Variants in LINGO2 observed in about 807,000 individuals in gnomAD.
The protein encoded by LINGO2 is leucine-rich repeat and immunoglobulin-like domain-containing nogo receptor-interacting protein 2.
Under a neutral mutation model 30.6 loss-of-function variants are expected in LINGO2, and 14 were observed. The observed-to-expected ratio is 0.46, with a 90% confidence interval of 0.30 to 0.72. LINGO2 has a LOEUF of 0.72. Ranked by LOEUF, LINGO2 falls within the 30% of genes least tolerant of loss-of-function variation. LINGO2 has a pLI of 0.07. For missense variants in LINGO2, 729 were observed against 751.7 expected (o/e 0.97, Z 0.35); for synonymous variants, 317 against 288.5 (o/e 1.10, Z -1.00).
the LINGO2 span, among the ~76,000 whole-genome samples, chr9:28,986,731 C>T: frequency 6.6e-6 from 1 of 151,934 alleles, no homozygotes; most frequent in Non-Finnish European, 1.5e-5. Context: ...CATAGCTTAG[C>T]CCAGCCTACC....
the LINGO2 span, among the ~76,000 whole-genome samples, chr9:29,030,222 A>G: frequency 6.6e-6 from 1 of 152,262 alleles, no homozygotes; most frequent in East Asian, 1.9e-4. Flanking sequence ...TAAGAAAAGT[A>G]TTATTTTATC....
At chr9:29,206,383 G>T in the LINGO2 span, among the ~76,000 whole-genome samples, 20 of 152,282 alleles carry the variant, frequency 1.3e-4, no homozygotes, top group African/African-American at 4.3e-4. Context: ...TGTATTGAGT[G>T]TTTATTTCCC....
At chr9:28,536,406 T>C (rs1007912988) in intron 1 of LINGO2, among the ~76,000 whole-genome samples, 7 of 152,114 alleles carry the variant, frequency 4.6e-5, no homozygotes, top group African/African-American at 1.7e-4. Context: ...CATTTTTCAG[T>C]TAAGTTAAAA....
chr9:28,191,588 T>C (rs1358768666), intron 4 of LINGO2, among the ~76,000 whole-genome samples: 1 of 152,100 alleles, frequency 6.6e-6, no homozygotes, highest in African/African-American at 2.4e-5. Context: ...TCTTCTTTGC[T>C]TCCTTCCTCT....
the LINGO2 span, among the ~76,000 whole-genome samples, chr9:29,128,771 T>C: frequency 1.3e-5 from 2 of 152,220 alleles, no homozygotes; most frequent in South Asian, 2.1e-4. Flanking sequence ...GTAAAGGCTA[T>C]TGGATCTTTG....
At chr9:28,764,231 T>G in the LINGO2 span, among the ~76,000 whole-genome samples, 1 of 151,836 alleles carries the variant, frequency 6.6e-6, no homozygotes, top group Admixed American at 6.6e-5. Flanking sequence ...CCAGTATCTT[T>G]AATAAAAATA....
chr9:27,977,822 A>G (rs4879990), intron 5 of LINGO2, among the ~76,000 whole-genome samples: 1 of 151,646 alleles, frequency 6.6e-6, no homozygotes, highest in African/African-American at 2.4e-5. Context: ...ACAAGAAACA[A>G]TTCATGTGAA....
the LINGO2 span, among the ~76,000 whole-genome samples, chr9:28,690,251 A>AAAAC: frequency 1.3e-5 from 2 of 152,116 alleles, no homozygotes; most frequent in East Asian, 1.9e-4. Flanking sequence ...AAATGAAACA[A>AAAAC]AAACAAACAA....
the LINGO2 span, among the ~76,000 whole-genome samples, chr9:28,753,783 T>C: frequency 1.3e-5 from 2 of 152,006 alleles, no homozygotes; most frequent in African/African-American, 2.4e-5. Flanking sequence ...AGCCTCTCTA[T>C]GCCCTGGCAT....
chr9:29,092,192 C>T, the LINGO2 span, among the ~76,000 whole-genome samples: 1 of 151,838 alleles, frequency 6.6e-6, no homozygotes, highest in African/African-American at 2.4e-5. Context: ...AGGAAACAGG[C>T]TTAGACAGAC....
At chr9:28,879,914 T>C in the LINGO2 span, among the ~76,000 whole-genome samples, 1 of 152,198 alleles carries the variant, frequency 6.6e-6, no homozygotes, top group African/African-American at 2.4e-5. Context: ...ATAACTCTGA[T>C]AAATTACTAA....
chr9:28,001,549 GC>G (rs1277687398), intron 5 of LINGO2, among the ~76,000 whole-genome samples: 1 of 152,110 alleles, frequency 6.6e-6, no homozygotes, highest in Non-Finnish European at 1.5e-5. Context: ...CTACTTAATG[GC>G]AGACATAACT....
At chr9:28,850,021 A>G in the LINGO2 span, among the ~76,000 whole-genome samples, 1 of 152,016 alleles carries the variant, frequency 6.6e-6, no homozygotes, top group Non-Finnish European at 1.5e-5. Flanking sequence ...CTGCTTACTG[A>G]GTGAATGAAG....
chr9:28,891,244 G>A, the LINGO2 span, among the ~76,000 whole-genome samples: 1 of 151,834 alleles, frequency 6.6e-6, no homozygotes, highest in South Asian at 2.1e-4. Context: ...CATAGAATAA[G>A]CAATGTATTC....
At chr9:29,039,654 C>T in the LINGO2 span, among the ~76,000 whole-genome samples, 1 of 152,132 alleles carries the variant, frequency 6.6e-6, no homozygotes, top group Non-Finnish European at 1.5e-5. Flanking sequence ...CTACCCCGAC[C>T]TTTCTAACCT....
intron 4 of LINGO2, among the ~76,000 whole-genome samples, chr9:28,024,742 T>C (rs1405746688): frequency 6.6e-6 from 1 of 152,192 alleles, no homozygotes; most frequent in Non-Finnish European, 1.5e-5. Context: ...TTCATTGTTC[T>C]GGGGAGCCAC....
the LINGO2 span, among the ~76,000 whole-genome samples, chr9:29,068,292 T>A: frequency 6.6e-6 from 1 of 151,754 alleles, no homozygotes; most frequent in South Asian, 2.1e-4. Flanking sequence ...TAATAGCTAA[T>A]ATACCATTAA....
chr9:28,564,377 T>C (rs776533859), intron 1 of LINGO2, among the ~76,000 whole-genome samples: 4 of 152,044 alleles, frequency 2.6e-5, no homozygotes, highest in Non-Finnish European at 5.9e-5. Flanking sequence ...AATAAACCAA[T>C]TGTGCTTTTT....
chr9:28,353,632 A>T (rs1820016583), intron 3 of LINGO2, among the ~76,000 whole-genome samples: 1 of 152,070 alleles, frequency 6.6e-6, no homozygotes, highest in Non-Finnish European at 1.5e-5. Context: ...ATACCATTTG[A>T]CCCAGCCATC....
Sources: allele counts gnomAD v4.1 joint callset (sites outside exome capture counted in the v4.1 genomes callset), GRCh38; gene constraint gnomAD v4.1.1; transcripts MANE v1.5; gene names NCBI Gene and HGNC (gene_info 2026-07-23, HGNC 2026-07-21).